NPAS3: variants seen among roughly 807,000 people sequenced by gnomAD.
NPAS3 encodes neuronal PAS domain protein 3.
NPAS3 carries 14 observed loss-of-function variants against 73.1 expected under a neutral mutation model. That is an observed-to-expected ratio of 0.19 (90% CI 0.13 to 0.30). NPAS3 has a LOEUF of 0.30. NPAS3 is among the 10% of genes least tolerant of loss of function. The pLI is 1.00. For missense variants in NPAS3, 1,096 were observed against 1,250.0 expected (o/e 0.88, Z 1.86); for synonymous variants, 620 against 541.5 (o/e 1.14, Z -2.01).
At chr14:33,673,694 C>T (rs987100172) in intron 5 of NPAS3, among the ~76,000 whole-genome samples, 4 of 152,196 alleles carry the variant, frequency 2.6e-5, no homozygotes, top group Non-Finnish European at 4.4e-5. Context: ...AGCCTGGCAC[C>T]ATTCCCAAGG....
intron 2 of NPAS3, among the ~76,000 whole-genome samples, chr14:33,189,732 C>T (rs766083013): frequency 7.2e-5 from 11 of 152,034 alleles, no homozygotes; most frequent in Non-Finnish European, 1.3e-4. Flanking sequence ...CCCTTTGTAA[C>T]GTTCATATGA....
intron 1 of NPAS3, among the ~76,000 whole-genome samples, chr14:33,023,263 G>C (rs2039674841): frequency 6.6e-6 from 1 of 152,104 alleles, no homozygotes; most frequent in South Asian, 2.1e-4. Context: ...AGTATTTTTT[G>C]TGTGATATAA....
intron 4 of NPAS3, among the ~76,000 whole-genome samples, chr14:33,411,398 G>C (rs946031957): frequency 6.6e-6 from 1 of 152,098 alleles, no homozygotes; most frequent in Non-Finnish European, 1.5e-5. Flanking sequence ...GGCCAGGCTG[G>C]TCTTGAACTC....
chr14:32,936,315 T>C (rs2035692881), upstream of NPAS3, among the ~76,000 whole-genome samples: 1 of 152,282 alleles, frequency 6.6e-6, no homozygotes, highest in Non-Finnish European at 1.5e-5. Context: ...TTTTTTTTTT[T>C]TTTTAAAGAG....
At chr14:33,079,710 C>T (rs1015324409) in intron 2 of NPAS3, among the ~76,000 whole-genome samples, 1 of 134,720 alleles carries the variant, frequency 7.4e-6, no homozygotes, top group Non-Finnish European at 1.5e-5. Flanking sequence ...TTCCCAGGTT[C>T]AAGTGATTCT....
intron 2 of NPAS3, among the ~76,000 whole-genome samples, chr14:33,103,031 TG>T (rs1395621342): frequency 6.6e-6 from 1 of 152,212 alleles, no homozygotes; most frequent in African/African-American, 2.4e-5. Context: ...CTACTAAAGT[TG>T]GTGGTGACTA....
intron 2 of NPAS3, among the ~76,000 whole-genome samples, chr14:33,076,691 A>G (rs1756713837): frequency 6.6e-6 from 1 of 152,216 alleles, no homozygotes; most frequent in Non-Finnish European, 1.5e-5. Flanking sequence ...TATCCTTCAT[A>G]TACAGTATAT....
chr14:33,643,762 C>G (rs554916919), intron 5 of NPAS3, among the ~76,000 whole-genome samples: 1 of 152,128 alleles, frequency 6.6e-6, no homozygotes, highest in Non-Finnish European at 1.5e-5. Context: ...AAATTCTACC[C>G]TTTTTGTCCT....
chr14:33,446,212 A>T lies in NPAS3; in HGVS notation c.468+78944A>T, dbSNP rs540329310. ...GAGACGGAGTCTCGCTCTGTCGCCC[A>T]GGCCGGACTGCGGACTGCAGTGGCG... is the stretch of plus-strand genomic sequence containing the variant. On this transcript the variant is annotated intron_variant, in intron 4 of 11. Transcript: ENST00000356141. Among the ~76,000 whole-genome samples the T allele has an allele frequency of 2.1e-4, 26 of 124,806 alleles. No homozygotes were observed. In the South Asian group the frequency reaches 6.6e-3, roughly 32 times the overall value. The allele number at this position is 124,806 out of a possible 152,430, so 81.9% of individuals were successfully genotyped here.
chr14:33,616,027 G>T (rs1274258034), intron 5 of NPAS3, among the ~76,000 whole-genome samples: 2 of 152,172 alleles, frequency 1.3e-5, no homozygotes, highest in Non-Finnish European at 2.9e-5. Flanking sequence ...TGCAAGCATA[G>T]CTGGTGTCAA....
In NPAS3 at chr14:33,732,233, G is replaced by A. The variant is rs192237162; in HGVS notation, c.734-2981G>A. Among the ~76,000 whole-genome samples, 965 of 151,494 alleles carry A rather than the reference G, an allele frequency of 6.4e-3. 4 individuals carry two copies. The highest frequency in any genetic ancestry group is 0.01 in the Non-Finnish European group (699 of 67,768). ...CCCACACACATGCACGCATGTGCAC[G>A]CACACACACACACACTTTCTCTTCA... On this transcript the variant is annotated intron_variant, in intron 6 of 11. Transcript: ENST00000356141.
chr14:33,665,832 A>G, intron 5 of NPAS3, among the ~76,000 whole-genome samples: 1 of 152,050 alleles, frequency 6.6e-6, no homozygotes, highest in Non-Finnish European at 1.5e-5. Context: ...TCCAAAATGC[A>G]CCGTGGGTTT....
chr14:33,319,192 T>A (rs544488276), intron 3 of NPAS3, among the ~76,000 whole-genome samples: 1 of 152,166 alleles, frequency 6.6e-6, no homozygotes, highest in African/African-American at 2.4e-5. Context: ...ATGTGGTAGC[T>A]GGCTTTCACC....
chr14:33,403,244 G>T (rs572876526), intron 4 of NPAS3, among the ~76,000 whole-genome samples: 1 of 152,172 alleles, frequency 6.6e-6, no homozygotes, highest in Admixed American at 6.5e-5. Context: ...AAGTTTGTTT[G>T]CTCACAAGAA....
intron 5 of NPAS3, among the ~76,000 whole-genome samples, chr14:33,579,415 C>CTT (rs1438309060): frequency 6.6e-6 from 1 of 152,144 alleles, no homozygotes; most frequent in Non-Finnish European, 1.5e-5. Flanking sequence ...CTGTATGTGA[C>CTT]TTGACAGATT....
chr14:33,374,677 T>C (rs1375892837), intron 4 of NPAS3, among the ~76,000 whole-genome samples: 2 of 147,558 alleles, frequency 1.4e-5, no homozygotes, highest in Non-Finnish European at 3.0e-5. Context: ...AAGGAGCTCT[T>C]TATAACAATG....
intron 4 of NPAS3, among the ~76,000 whole-genome samples, chr14:33,388,322 C>G (rs1380955525): frequency 6.6e-6 from 1 of 152,130 alleles, no homozygotes; most frequent in African/African-American, 2.4e-5. Context: ...AGAGGGGGTG[C>G]AGATATTCCC....
At chr14:33,359,025 A>G (rs2045471486) in intron 3 of NPAS3, among the ~76,000 whole-genome samples, 1 of 152,206 alleles carries the variant, frequency 6.6e-6, no homozygotes, top group Non-Finnish European at 1.5e-5. Flanking sequence ...ACTGCTTCAC[A>G]CAACTCTTTA....
At chr14:33,626,180 G>A (rs2058213159) in intron 5 of NPAS3, among the ~76,000 whole-genome samples, 1 of 152,142 alleles carries the variant, frequency 6.6e-6, no homozygotes, top group Non-Finnish European at 1.5e-5. Flanking sequence ...CAAAGGGAGA[G>A]GGAATGAAAA....
Sources: allele counts gnomAD v4.1 joint callset (sites outside exome capture counted in the v4.1 genomes callset), GRCh38; gene constraint gnomAD v4.1.1; transcripts MANE v1.5; gene names NCBI Gene and HGNC (gene_info 2026-07-23, HGNC 2026-07-21).